The following MYH11 variants were observed in gnomAD, a reference collection of about 807,000 sequenced individuals.
The protein encoded by MYH11 is myosin-11.
In MYH11, 80 loss-of-function variants were observed where a neutral mutation model predicts 246.6. That is an observed-to-expected ratio of 0.32 (90% confidence interval 0.27 to 0.39). The LOEUF is 0.39. MYH11 is among the 10% of genes least tolerant of loss of function. The pLI, the probability that MYH11 is intolerant of heterozygous loss-of-function variation, is 1.00. For missense variants in MYH11, 2,158 were observed against 2,546.8 expected, an observed-to-expected ratio of 0.85 and a Z score of 3.29; for synonymous variants, 1,071 against 1,015.5, an observed-to-expected ratio of 1.05 and a Z score of -1.04.
intron 6 of MYH11, among the ~76,000 whole-genome samples, chr16:15,779,660 T>C (rs996834136): frequency 1.3e-5 from 2 of 152,034 alleles, no homozygotes; most frequent in African/African-American, 4.8e-5. Flanking sequence ...TGAGTATGCA[T>C]TGGCCACACT....
At chr16:15,763,774 A>G (rs771818183) in intron 10 of MYH11, 22 bp downstream of exon 10, 4 of 761,692 alleles carry the variant, frequency 5.3e-6, no homozygotes, top group Non-Finnish European at 8.1e-6. Context: ...GTCATTGGTC[A>G]TCAGGAAAAA....
chr16:15,763,741 T>TCCGCCCC, intron 10 of MYH11, 55 bp downstream of exon 10: 11 of 646,856 alleles, frequency 1.7e-5, no homozygotes, highest in East Asian at 9.5e-5. Flanking sequence ...AAATGTCACC[T>TCCGCCCC]CCCCCACCCC....
intron 1 of MYH11, among the ~76,000 whole-genome samples, chr16:15,855,525 T>G (rs934415991): frequency 2.0e-5 from 3 of 152,160 alleles, no homozygotes; most frequent in Non-Finnish European, 4.4e-5. Flanking sequence ...ACACTTTACC[T>G]CTCTGAGCCT....
chr16:15,714,154 C>T (rs1164254266), intron 40 of MYH11: 1 of 152,716 alleles, frequency 6.5e-6, no homozygotes, highest in Admixed American at 6.5e-5. Context: ...CTAAAACCTC[C>T]TGGGAGCCAA....
chr16:15,765,859 T>C (rs1458499211), intron 9 of MYH11, among the ~76,000 whole-genome samples: 1 of 152,092 alleles, frequency 6.6e-6, no homozygotes, highest in East Asian at 1.9e-4. Flanking sequence ...CTATGAAGAG[T>C]TGCACTCACA....
In MYH11 at chr16:15,790,524, C is replaced by G. The variant is rs541535341; in HGVS notation, c.531-3792G>C. ...TGGGAGGTTCTGCCAAAGAAAACATCCCAAGCTCCAGGCTCGTGGGCGTCT... is the reference window on the plus strand; with the variant it reads ...TGGGAGGTTCTGCCAAAGAAAACATGCCAAGCTCCAGGCTCGTGGGCGTCT... On this transcript the variant is annotated intron_variant, in intron 4 of 40. Transcript: ENST00000300036. Among the ~76,000 whole-genome samples, 9 of 152,240 alleles carry G rather than the reference C, an allele frequency of 5.9e-5. No homozygotes were observed. The East Asian group carries it at 1.7e-3, about 29-fold the overall frequency.
intron 2 of MYH11, among the ~76,000 whole-genome samples, chr16:15,823,687 T>A (rs2043479321): frequency 6.6e-6 from 1 of 152,054 alleles, no homozygotes; most frequent in African/African-American, 2.4e-5. Context: ...TGCGGTGGTG[T>A]GAACGTGACT....
chr16:15,808,755 C>T (rs1193089771), intron 3 of MYH11, among the ~76,000 whole-genome samples: 1 of 151,966 alleles, frequency 6.6e-6, no homozygotes, highest in Non-Finnish European at 1.5e-5. Flanking sequence ...TAGCTGTGGA[C>T]AGAGGTGTGT....
In MYH11 at chr16:15,726,037, G is replaced by T. The variant is rs542729053; in HGVS notation, c.3858+811C>A. On this transcript the variant is annotated intron_variant, in intron 28 of 40. Transcript: ENST00000300036. ...CTCCTAATTTTTCTACTTACCACAG[G>T]GCCTTTGCACACGCTGTTCCCTCTG... The T allele has an allele frequency of 2.0e-4, 46 of 230,166 alleles. No homozygotes were observed. Among genetic ancestry groups the T allele is most frequent in the Non-Finnish European group, 3.4e-4 (41 of 119,298 alleles). The allele number at this position is 230,166 out of a possible 1,614,324, so 14.3% of individuals were successfully genotyped here.
At chr16:15,798,558 C>G in intron 4 of MYH11, 102 bp downstream of exon 4, 1 of 1,206,400 alleles carries the variant, frequency 8.3e-7, no homozygotes, top group South Asian at 1.4e-5. Flanking sequence ...AATCAAAGAT[C>G]TCTGCACTCA....
intron 4 of MYH11, among the ~76,000 whole-genome samples, chr16:15,789,710 A>C (rs1432887535): frequency 1.3e-5 from 2 of 152,228 alleles, no homozygotes; most frequent in Non-Finnish European, 2.9e-5. Flanking sequence ...AATTACTTCA[A>C]TCAGGCTAAC....
At chr16:15,811,067 A>G (rs538002135) in intron 3 of MYH11, among the ~76,000 whole-genome samples, 1 of 152,240 alleles carries the variant, frequency 6.6e-6, no homozygotes, top group South Asian at 2.1e-4. Flanking sequence ...TTGGGAGGTG[A>G]TGAGATCATG....
At chr16:15,780,550 T>C (rs1164992148) in intron 6 of MYH11, among the ~76,000 whole-genome samples, 1 of 149,542 alleles carries the variant, frequency 6.7e-6, no homozygotes, top group Non-Finnish European at 1.5e-5. Flanking sequence ...GGTGTGACTT[T>C]GGCTCACTGC....
intron 2 of MYH11, among the ~76,000 whole-genome samples, chr16:15,835,493 A>G (rs2043867071): frequency 6.6e-6 from 1 of 152,222 alleles, no homozygotes; most frequent in Non-Finnish European, 1.5e-5. Flanking sequence ...AAAAATGTGC[A>G]GGACATTTTT....
chr16:15,848,344 G>A (rs1029886642), intron 1 of MYH11, among the ~76,000 whole-genome samples: 2 of 149,098 alleles, frequency 1.3e-5, no homozygotes, highest in Non-Finnish European at 3.0e-5. Context: ...AGTGATTCTC[G>A]TGCCTCAGCC....
At chr16:15,741,957 C>T (rs997864188) in intron 20 of MYH11, 66 bp from the exon 21 acceptor site, 47 of 1,602,086 alleles carry the variant, frequency 2.9e-5, no homozygotes, top group Middle Eastern at 3.3e-4. Context: ...ATAATAAATT[C>T]GATCAGTGGT....
chr16:15,756,071 C>G (rs1015223414), intron 14 of MYH11, among the ~76,000 whole-genome samples: 1 of 152,238 alleles, frequency 6.6e-6, no homozygotes, highest in African/African-American at 2.4e-5. Flanking sequence ...GCACTCCAGC[C>G]TGGGCGACAA....
chr16:15,726,354 G>T, intron 28 of MYH11: 1 of 173,890 alleles, frequency 5.8e-6, no homozygotes, highest in Non-Finnish European at 1.2e-5. Context: ...AATTGGAAAA[G>T]GAAGGGTTTT....
At position 15,778,835 on chromosome 16, in the gene MYH11, GA is replaced by G; in HGVS notation, c.734del (p.Phe245SerfsTer22). ...KNDNSSRFGKFIRINFDVTGY... is the reference protein window; with the variant it reads ...KNDNSSRFGKXIRINFDVTGY... ...CCGTGACGTCGAAGTTGATGCGGAT[GA>G]ATTTGCCCTGCCAACAGGAAAACAC... On this transcript the variant is annotated frameshift_variant, in exon 7 of 41. Coordinates refer to ENST00000300036, the MANE Select transcript of MYH11 (RefSeq NM_002474.3). LOFTEE classifies it high-confidence loss of function. 6.2e-7 allele frequency: 1 copy of G among 1,614,102 alleles called. No homozygotes were observed. The highest frequency in any genetic ancestry group is 8.5e-7 in the Non-Finnish European group (1 of 1,180,016).
Sources: allele counts gnomAD v4.1 joint callset (sites outside exome capture counted in the v4.1 genomes callset), GRCh38; gene constraint gnomAD v4.1.1; transcripts MANE v1.5; gene names NCBI Gene and HGNC (gene_info 2026-07-23, HGNC 2026-07-21).